Variants in ATXN8OS observed in about 807,000 individuals in gnomAD.
ATXN8OS encodes the protein ATXN8 opposite strand lncRNA, also known as ATXN8 opposite strand (non-protein coding).
intron 2 of ATXN8OS, among the ~76,000 whole-genome samples, chr13:70,128,676 T>A (rs532585009): frequency 6.6e-6 from 1 of 152,304 alleles, no homozygotes. Context: ...GTATACTGTT[T>A]CCCATAATGC....
chr13:70,166,088 G>A lies in ATXN8OS; in HGVS notation n.574-3665G>A, dbSNP rs545067818. On this transcript the variant is annotated intron_variant and non_coding_transcript_variant, in intron 4 of 4. Coordinates refer to ENST00000678624, the Ensembl canonical transcript of ATXN8OS. ...AAAATCTCTCATCATAATTAATGAT[G>A]AAGCACATGAATATCTCATTAAGGA... Among the ~76,000 whole-genome samples the A allele has an allele frequency of 5.9e-4, 90 of 152,086 alleles. No individual in the cohort carries two copies. In the South Asian group the frequency reaches 0.018, roughly 31 times the overall value.
At chr13:70,123,043 C>T (rs113915876) in intron 2 of ATXN8OS, among the ~76,000 whole-genome samples, 2 of 152,088 alleles carry the variant, frequency 1.3e-5, no homozygotes, top group African/African-American at 4.8e-5. Flanking sequence ...TCATAAGGTT[C>T]AACATATAGA....
At chr13:70,126,513 G>A (rs919520995) in intron 2 of ATXN8OS, among the ~76,000 whole-genome samples, 3 of 151,818 alleles carry the variant, frequency 2.0e-5, no homozygotes, top group African/African-American at 7.3e-5. Flanking sequence ...ATAGACATAT[G>A]AGTAAACCAT....
In ATXN8OS at chr13:70,170,456, G is replaced by A. The variant is rs376548187; in HGVS notation, n.1277G>A. On this transcript the variant is annotated non_coding_transcript_exon_variant, in exon 5 of 5. Coordinates refer to ENST00000678624, the Ensembl canonical transcript of ATXN8OS. ...ACTGGAGCACAGATGAGTAGGCAACGCAGTCTGCTTTGGGAGCAGGGAATC... is the reference window on the plus strand; with the variant it reads ...ACTGGAGCACAGATGAGTAGGCAACACAGTCTGCTTTGGGAGCAGGGAATC... Among the ~76,000 whole-genome samples the A allele has an allele frequency of 2.3e-4, 35 of 152,194 alleles. No homozygotes were observed. The South Asian group carries it at 2.9e-3, about 13-fold the overall frequency.
chr13:70,108,690 T>C (rs1300562892), intron 1 of ATXN8OS, among the ~76,000 whole-genome samples: 1 of 152,270 alleles, frequency 6.6e-6, no homozygotes, highest in African/African-American at 2.4e-5. Flanking sequence ...ATTATGCTTT[T>C]GCATCAGTAA....
intron 3 of ATXN8OS, among the ~76,000 whole-genome samples, chr13:70,144,870 G>A (rs1232435145): frequency 1.3e-5 from 2 of 151,992 alleles, no homozygotes; most frequent in Admixed American, 1.3e-4. Context: ...ATTTTTTCAA[G>A]GGTATAGTAT....
chr13:70,139,117 G>A (rs1707549017), intron 3 of ATXN8OS: 1 of 404,350 alleles, frequency 2.5e-6, no homozygotes, highest in Admixed American at 4.2e-5. Flanking sequence ...ATACCTTTAG[G>A]TTTTTCCTAG....
chr13:70,169,280 T>G (rs116886931), intron 4 of ATXN8OS, among the ~76,000 whole-genome samples: 1 of 152,176 alleles, frequency 6.6e-6, no homozygotes, highest in East Asian at 1.9e-4. Flanking sequence ...TCAGAAGAAA[T>G]AGAAGAAAAC....
chr13:70,160,790 T>TA lies in ATXN8OS; in HGVS notation n.574-8963_574-8962insA, dbSNP rs1888998528. 3.5e-5 allele frequency among the ~76,000 whole-genome samples: 2 copies of TA among 57,962 alleles called. 1 individual carries two copies. Among genetic ancestry groups the TA allele is most frequent in the African/African-American group, 1.3e-4 (2 of 15,384 alleles). 38.0% of individuals were successfully genotyped at this position (57,962 alleles called of 152,430 possible). Reference sequence around the variant, plus strand: ...AATATGTAAATATATAAATATTTATTTATAAATATATTTATTATAAATATA... The same window carrying TA: ...AATATGTAAATATATAAATATTTATTATATAAATATATTTATTATAAATATA... On this transcript the variant is annotated intron_variant and non_coding_transcript_variant, in intron 4 of 4. Coordinates refer to ENST00000678624, the Ensembl canonical transcript of ATXN8OS.
chr13:70,139,383 A>ACTACTACTACTGCTG lies in ATXN8OS; in HGVS notation n.500-7970_500-7969insACTACTACTGCTGCT. The ACTACTACTACTGCTG allele has an allele frequency of 2.3e-4, 105 of 458,326 alleles. 2 individuals are homozygous for ACTACTACTACTGCTG. The highest frequency in any genetic ancestry group is 7.8e-4 in the South Asian group (24 of 30,582). The allele number at this position is 458,326 out of a possible 1,614,324, so 28.4% of individuals were successfully genotyped here. A position where few individuals can be genotyped will look rare whatever the true frequency, so the allele number is the denominator to read the frequency against. On this transcript the variant is annotated intron_variant and non_coding_transcript_variant, in intron 3 of 4. Transcript: ENST00000678624. ...TACTACTACTACTACTACTACTACTACTGCTGCTGCTGCTGCTGCTGCTGC... is the reference window on the plus strand; with the variant it reads ...TACTACTACTACTACTACTACTACTACTACTACTACTGCTGCTGCTGCTGCTGCTGCTGCTGCTGC...
chr13:70,117,812 T>C (rs1318727273), intron 2 of ATXN8OS, among the ~76,000 whole-genome samples: 4 of 152,010 alleles, frequency 2.6e-5, no homozygotes, highest in Non-Finnish European at 2.9e-5. Context: ...TATTGATGTT[T>C]ACTTTGAAAA....
chr13:70,147,395 G>A (rs1888800398), exon 4 of ATXN8OS, among the ~76,000 whole-genome samples: 1 of 151,992 alleles, frequency 6.6e-6, no homozygotes, highest in Admixed American at 6.6e-5. Flanking sequence ...TAAATCTGTT[G>A]AAACCCAAAA....
chr13:70,128,795 G>T (rs1307210090), intron 2 of ATXN8OS, among the ~76,000 whole-genome samples: 1 of 151,674 alleles, frequency 6.6e-6, no homozygotes, highest in African/African-American at 2.4e-5. Context: ...TATCTTATGT[G>T]TATGAAATAT....
At chr13:70,130,919 T>C (rs2137483141) in intron 3 of ATXN8OS, 1 of 398,438 alleles carries the variant, frequency 2.5e-6, no homozygotes, top group South Asian at 1.3e-4. Context: ...AAATCTCTCA[T>C]GTTAACTATG....
In ATXN8OS at chr13:70,108,215, C is replaced by A; in HGVS notation, n.240+196C>A. On this transcript the variant is annotated intron_variant and non_coding_transcript_variant, in intron 1 of 4. Transcript: ENST00000678624. ...AGCGCAGAGAGAAAGAGCCCCAAGT[C>A]TCGAGGAAGCGTACCCCTCGCCAGA... 3 of 394,280 alleles carry A rather than the reference C, an allele frequency of 7.6e-6. 1 individual carries two copies. The East Asian group carries it at 1.1e-4, about 14-fold the overall frequency. 24.4% of individuals were successfully genotyped at this position (394,280 alleles called of 1,614,324 possible). A position where few individuals can be genotyped will look rare whatever the true frequency, so the allele number is the denominator to read the frequency against.
chr13:70,131,564 T>TA (rs1888533646), intron 3 of ATXN8OS: 2 of 398,288 alleles, frequency 5.0e-6, no homozygotes, highest in Non-Finnish European at 8.9e-6. Context: ...GGACTGCTTC[T>TA]TTCCTCCACA....
At chr13:70,137,295 G>A (rs1236867474) in intron 3 of ATXN8OS, among the ~76,000 whole-genome samples, 1 of 152,126 alleles carries the variant, frequency 6.6e-6, no homozygotes, top group Non-Finnish European at 1.5e-5. Flanking sequence ...TATCTCCAGG[G>A]TCAAAGTGTC....
upstream of ATXN8OS, chr13:70,107,697 C>T (rs547047442): frequency 6.6e-7 from 1 of 1,522,718 alleles, no homozygotes; most frequent in East Asian, 2.3e-5. Context: ...CAGAGCCTGA[C>T]ATGCTTTACG....
At chr13:70,126,849 T>C (rs1172396918) in intron 2 of ATXN8OS, among the ~76,000 whole-genome samples, 1 of 151,766 alleles carries the variant, frequency 6.6e-6, no homozygotes, top group Non-Finnish European at 1.5e-5. Context: ...CGTATCTATA[T>C]ATCAACAGAT....
Sources: gnomAD v4.1 joint callset for allele counts (sites outside exome capture counted in the v4.1 genomes callset) on GRCh38, gnomAD v4.1.1 for gene constraint, MANE v1.5 for transcripts, NCBI Gene and HGNC (gene_info 2026-07-23, HGNC 2026-07-21) for gene names.